The following DEFB125 variants were observed in gnomAD, a reference collection of about 807,000 sequenced individuals.
DEFB125 encodes the protein beta-defensin 125.
DEFB125 carries 11 observed loss-of-function variants against 11.8 expected under a neutral mutation model. The ratio of observed to expected loss-of-function variants is 0.94; its 90% CI spans 0.59 to 1.55. The LOEUF (loss-of-function observed/expected upper bound fraction) is 1.55, where lower values mean the gene tolerates loss of function less well. Ranked by LOEUF, DEFB125 falls within the 40% of genes most tolerant of loss-of-function variation. The pLI, the probability that DEFB125 is intolerant of heterozygous loss-of-function variation, is 0.00. For synonymous variants in DEFB125, 79 were observed against 66.7 expected, an observed-to-expected ratio of 1.18 and a Z score of -0.90; for missense variants, 198 against 191.2, an observed-to-expected ratio of 1.04 and a Z score of -0.21.
At chr20:92,049 G>A (rs1408262223) in intron 1 of DEFB125, among the ~76,000 whole-genome samples, 1 of 152,124 alleles carries the variant, frequency 6.6e-6, no homozygotes, top group African/African-American at 2.4e-5. Flanking sequence ...AAATTATTGT[G>A]AGCCTAATAT....
chr20:96,500 A>G lies in DEFB125; in HGVS notation c.*83A>G, dbSNP rs1000353543. On this transcript the variant is annotated 3_prime_UTR_variant, in exon 2 of 2. Transcript: ENST00000382410. ...GAGCTGATTCTACCAATCCAATTTC[A>G]CCAGGAAAATTCCATCAGGGATTGG... 9.4e-6 allele frequency: 14 copies of G among 1,482,084 alleles called. No individual in the cohort carries two copies. Among genetic ancestry groups the G allele is most frequent in the Non-Finnish European group, 1.3e-5 (14 of 1,111,620 alleles). 91.8% of individuals were successfully genotyped at this position (1,482,084 alleles called of 1,614,324 possible).
chr20:95,645 CA>C (rs1386169410), intron 1 of DEFB125, among the ~76,000 whole-genome samples: 2 of 152,008 alleles, frequency 1.3e-5, no homozygotes, highest in Non-Finnish European at 2.9e-5. Context: ...TGAATAGTTT[CA>C]GTAGGAATGA....
chr20:93,386 G>A (rs2054503704), intron 1 of DEFB125, among the ~76,000 whole-genome samples: 1 of 152,090 alleles, frequency 6.6e-6, no homozygotes, highest in South Asian at 2.1e-4. Context: ...TTATTTCTCT[G>A]CTTTTCTTTG....
chr20:88,733 G>A (rs530447455), intron 1 of DEFB125, among the ~76,000 whole-genome samples: 1 of 152,236 alleles, frequency 6.6e-6, no homozygotes, highest in Non-Finnish European at 1.5e-5. Flanking sequence ...AAACTTTGAG[G>A]AGGAGCAGAT....
chr20:88,894 AGT>A (rs2054486641), intron 1 of DEFB125, among the ~76,000 whole-genome samples: 2 of 151,790 alleles, frequency 1.3e-5, no homozygotes, highest in Non-Finnish European at 2.9e-5. Context: ...ACACACACAC[AGT>A]CAAACCACCT....
intron 1 of DEFB125, among the ~76,000 whole-genome samples, chr20:92,531 C>G (rs1405098006): frequency 6.6e-6 from 1 of 150,788 alleles, no homozygotes; most frequent in Non-Finnish European, 1.5e-5. Flanking sequence ...TAGCTGGGAT[C>G]ACAGGCATGT....
rs2054517399 is a variant in DEFB125 at position 96,745 on chromosome 20, C to CA, written c.*333dup. 1 of 241,780 alleles carries CA rather than the reference C, an allele frequency of 4.1e-6. No homozygotes were observed. Among genetic ancestry groups the CA allele is most frequent in the African/African-American group, 2.3e-5 (1 of 44,388 alleles). The allele number at this position is 241,780 out of a possible 1,614,324, so 15.0% of individuals were successfully genotyped here. The stretch of plus-strand genomic sequence containing the variant: ...TCTATGTATTTTTCCATGCCAAAAA[C>CA]AAAAACGAAGACCATTGTTTGGAGC... On this transcript the variant is annotated 3_prime_UTR_variant, in exon 2 of 2. Coordinates refer to ENST00000382410, the MANE Select transcript of DEFB125 (RefSeq NM_153325.4).
intron 1 of DEFB125, among the ~76,000 whole-genome samples, chr20:89,189 C>G (rs373997761): frequency 1.3e-5 from 2 of 152,164 alleles, no homozygotes. Context: ...TATATGTTGC[C>G]TAGAAAGATG....
chr20:96,575 G>A lies in DEFB125; in HGVS notation c.*158G>A. The A allele has an allele frequency of 1.2e-6, 1 of 822,886 alleles. No individual in the cohort carries two copies. The highest frequency in any genetic ancestry group is 2.7e-5 in the Admixed American group (1 of 37,674). 51.0% of individuals were successfully genotyped at this position (822,886 alleles called of 1,614,324 possible). A position where few individuals can be genotyped will look rare whatever the true frequency, so the allele number is the denominator to read the frequency against. Reference sequence around the variant, plus strand: ...GCTACTACCAACACAACAGCCAAGAGAGTTGCCTTACAATTAGAAATGTGT... The same window carrying A: ...GCTACTACCAACACAACAGCCAAGAAAGTTGCCTTACAATTAGAAATGTGT... On this transcript the variant is annotated 3_prime_UTR_variant, in exon 2 of 2. Coordinates refer to ENST00000382410, the MANE Select transcript of DEFB125 (RefSeq NM_153325.4).
rs187047983 is a variant in DEFB125 at position 96,400 on chromosome 20, G to A, written c.454G>A (p.Ala152Thr). The A allele has an allele frequency of 3.1e-6, 5 of 1,609,406 alleles. No homozygotes were observed. Among genetic ancestry groups the A allele is most frequent in the East Asian group, 4.5e-5 (2 of 44,830 alleles). The change falls in exon 2 of 2, where the codon GCT becomes ACT. Residue 152 changes from alanine to threonine, a missense_variant. By Grantham distance (58) the Ala-to-Thr change is moderately conservative. Coordinates refer to ENST00000382410, the MANE Select transcript of DEFB125 (RefSeq NM_153325.4). ...GACTATGCCACCACCTTCTCAGACA[G>A]CTCTTACTCATAATTAATTAACATT... Reference protein sequence around the residue: ...SETMPPPSQTALTHN With the variant: ...SETMPPPSQTTLTHN
At chr20:88,134 T>G (rs2054482840) in intron 1 of DEFB125, among the ~76,000 whole-genome samples, 1 of 152,212 alleles carries the variant, frequency 6.6e-6, no homozygotes, top group Non-Finnish European at 1.5e-5. Context: ...TCCTACCATC[T>G]TGAATTCTTC....
chr20:88,158 T>C lies in DEFB125; in HGVS notation c.58+391T>C, dbSNP rs79067206. Among the ~76,000 whole-genome samples, 591 of 152,278 alleles carry C rather than the reference T, an allele frequency of 3.9e-3. 17 individuals carry two copies. The East Asian group carries it at 0.089, about 23-fold the overall frequency. On this transcript the variant is annotated intron_variant, in intron 1 of 1. Coordinates refer to ENST00000382410, the MANE Select transcript of DEFB125 (RefSeq NM_153325.4). ...CTTGAATTCTTCTTTGCCCGGAGGG[T>C]ACCTTCAGAGGGAGGCCCTCACTTT...
At chr20:88,917 C>T (rs1358402648) in intron 1 of DEFB125, among the ~76,000 whole-genome samples, 2 of 151,640 alleles carry the variant, frequency 1.3e-5, no homozygotes, top group African/African-American at 4.9e-5. Context: ...ACCAGAAAAG[C>T]TGAACTATTC....
intron 1 of DEFB125, among the ~76,000 whole-genome samples, chr20:92,040 A>G (rs1011409696): frequency 6.6e-6 from 1 of 152,174 alleles, no homozygotes; most frequent in Non-Finnish European, 1.5e-5. Context: ...ATATAAACCA[A>G]ATTATTGTGA....
At chr20:89,960 T>C (rs898608441) in intron 1 of DEFB125, among the ~76,000 whole-genome samples, 13 of 152,202 alleles carry the variant, frequency 8.5e-5, no homozygotes, top group African/African-American at 3.1e-4. Context: ...CTCTGGGCTT[T>C]ATATTATGTG....
At chr20:95,964 T>C in intron 1 of DEFB125, 41 bp from the exon 2 acceptor site, 1 of 1,522,068 alleles carries the variant, frequency 6.6e-7, no homozygotes, top group Middle Eastern at 1.8e-4. Context: ...GTTATGTTGA[T>C]GCCAGAGTTA....
chr20:94,661 T>C (rs566158216), intron 1 of DEFB125, among the ~76,000 whole-genome samples: 105 of 152,288 alleles, frequency 6.9e-4, no homozygotes, highest in Middle Eastern at 6.8e-3. Context: ...CCAGTACCCA[T>C]TGGCTGCCCA....
intron 1 of DEFB125, 100 bp downstream of exon 1, chr20:87,867 A>C: frequency 7.7e-7 from 1 of 1,297,748 alleles, no homozygotes; most frequent in Non-Finnish European, 1.1e-6. Flanking sequence ...TGCAGGAAAA[A>C]TCTGGGCCAA....
intron 1 of DEFB125, 120 bp from the exon 2 acceptor site, chr20:95,885 G>A (rs149834595): frequency 3.3e-6 from 3 of 922,004 alleles, no homozygotes; most frequent in African/African-American, 3.3e-5. Context: ...TCTTACAATG[G>A]CTTTTTGTAT....
Sources: gnomAD v4.1 joint callset for allele counts (sites outside exome capture counted in the v4.1 genomes callset) on GRCh38, gnomAD v4.1.1 for gene constraint, MANE v1.5 for transcripts, NCBI Gene and HGNC (gene_info 2026-07-23, HGNC 2026-07-21) for gene names.